The following DCC variants were observed in gnomAD, a reference collection of about 807,000 sequenced individuals.
DCC encodes the protein DCC netrin 1 receptor.
DCC carries 58 observed loss-of-function variants against 172.5 expected under a neutral mutation model. The observed-to-expected ratio is 0.34, with a 90% CI of 0.27 to 0.42. The LOEUF is 0.42. Ranked by LOEUF, DCC falls within the 10% of genes least tolerant of loss-of-function variation. DCC has a pLI of 1.00. For missense variants in DCC, 1,740 were observed against 1,791.0 expected (o/e 0.97, Z 0.51); for synonymous variants, 709 against 644.5 (o/e 1.10, Z -1.52).
intron 1 of DCC, among the ~76,000 whole-genome samples, chr18:52,399,333 C>T (rs1458309554): frequency 6.6e-6 from 1 of 151,912 alleles, no homozygotes; most frequent in African/African-American, 2.4e-5. Context: ...ATTGTCTGGT[C>T]AAGGCACTGT....
At chr18:52,662,225 G>T (rs2035372884) in intron 1 of DCC, among the ~76,000 whole-genome samples, 2 of 152,164 alleles carry the variant, frequency 1.3e-5, no homozygotes, top group South Asian at 4.1e-4. Context: ...TTACCGGATA[G>T]ATCCGATGCT....
At chr18:53,245,547 G>T (rs952174618) in intron 12 of DCC, among the ~76,000 whole-genome samples, 2 of 152,082 alleles carry the variant, frequency 1.3e-5, no homozygotes, top group Non-Finnish European at 2.9e-5. Flanking sequence ...ACATTTCCTT[G>T]AAGTAATGAG....
chr18:53,008,234 T>A (rs1228883603), intron 5 of DCC, among the ~76,000 whole-genome samples: 1 of 152,132 alleles, frequency 6.6e-6, no homozygotes, highest in African/African-American at 2.4e-5. Flanking sequence ...CACACTTTCA[T>A]GTTTATTGAT....
chr18:53,066,765 G>A (rs1036432145), intron 7 of DCC, among the ~76,000 whole-genome samples: 12 of 152,062 alleles, frequency 7.9e-5, no homozygotes, highest in Admixed American at 3.9e-4. Context: ...ATCTGAGACT[G>A]GGTAATTTAT....
chr18:52,491,134 C>T (rs2030478182), intron 1 of DCC, among the ~76,000 whole-genome samples: 1 of 152,024 alleles, frequency 6.6e-6, no homozygotes, highest in African/African-American at 2.4e-5. Context: ...TCTTATTTTA[C>T]TAAGTTTTTT....
At chr18:53,197,346 A>G (rs182824413) in intron 9 of DCC, among the ~76,000 whole-genome samples, 392 of 151,552 alleles carry the variant, frequency 2.6e-3, no homozygotes, top group Non-Finnish European at 4.9e-3. Context: ...AATTCAGGCT[A>G]TGTGAATTAT....
At position 52,993,091 on chromosome 18, in the gene DCC, T is replaced by TA. The variant is rs147258733; in HGVS notation, c.985+67721_985+67722insA. ...CAGTAATCAGTCTTTTTTTTCTAAA[T>TA]GATTGTTCTAGTTGCCATAAAGGTA... On this transcript the variant is annotated intron_variant, in intron 5 of 28. Coordinates refer to ENST00000442544, the MANE Select transcript of DCC (RefSeq NM_005215.4). Among the ~76,000 whole-genome samples, 652 of 152,168 alleles carry TA rather than the reference T, an allele frequency of 4.3e-3. 4 individuals are homozygous for TA. The highest frequency in any genetic ancestry group is 0.015 in the African/African-American group (607 of 41,518).
chr18:53,059,825 G>C (rs941582909), intron 5 of DCC, among the ~76,000 whole-genome samples: 2 of 151,998 alleles, frequency 1.3e-5, no homozygotes, highest in African/African-American at 4.8e-5. Flanking sequence ...GCATTTTGTT[G>C]CTTGAGTTTT....
chr18:52,848,891 C>G (rs552805222), intron 2 of DCC, among the ~76,000 whole-genome samples: 1 of 152,174 alleles, frequency 6.6e-6, no homozygotes, highest in East Asian at 1.9e-4. Flanking sequence ...CATTCAGCAA[C>G]TTCTTTATGA....
intron 27 of DCC, among the ~76,000 whole-genome samples, chr18:53,521,592 A>G (rs997100383): frequency 1.3e-5 from 2 of 152,148 alleles, no homozygotes; most frequent in African/African-American, 2.4e-5. Context: ...TACGTTTCTC[A>G]GAACAGGCAC....
At chr18:52,552,205 C>T (rs1399057668) in intron 1 of DCC, among the ~76,000 whole-genome samples, 1 of 151,974 alleles carries the variant, frequency 6.6e-6, no homozygotes, top group East Asian at 1.9e-4. Flanking sequence ...GTAGATTCTA[C>T]TTTTAACATT....
intron 15 of DCC, among the ~76,000 whole-genome samples, chr18:53,365,035 C>T (rs2057987873): frequency 6.6e-6 from 1 of 152,030 alleles, no homozygotes; most frequent in Non-Finnish European, 1.5e-5. Context: ...ATTAACTTGT[C>T]ATTTACATTA....
intron 5 of DCC, among the ~76,000 whole-genome samples, chr18:53,030,034 T>C (rs1406046515): frequency 6.6e-6 from 1 of 152,174 alleles, no homozygotes; most frequent in Non-Finnish European, 1.5e-5. Flanking sequence ...CTGGTTTAGA[T>C]AAATGTTAAG....
At chr18:52,400,568 A>G (rs959014367) in intron 1 of DCC, among the ~76,000 whole-genome samples, 2 of 152,068 alleles carry the variant, frequency 1.3e-5, no homozygotes, top group South Asian at 4.1e-4. Context: ...CAGAAATACC[A>G]TTTGACCCAG....
chr18:53,044,176 A>C (rs1311292196), intron 5 of DCC, among the ~76,000 whole-genome samples: 3 of 151,896 alleles, frequency 2.0e-5, no homozygotes, highest in Non-Finnish European at 4.4e-5. Flanking sequence ...CATCTTCAAA[A>C]CATGAAAGAA....
intron 1 of DCC, among the ~76,000 whole-genome samples, chr18:52,717,980 A>G (rs1048111624): frequency 3.9e-5 from 6 of 152,206 alleles, no homozygotes; most frequent in Non-Finnish European, 4.4e-5. Flanking sequence ...CCTGAAACCA[A>G]AACCTCAGCA....
chr18:52,625,376 T>A (rs1443768657), intron 1 of DCC, among the ~76,000 whole-genome samples: 2 of 152,186 alleles, frequency 1.3e-5, no homozygotes, highest in Non-Finnish European at 2.9e-5. Flanking sequence ...ATTCATTTAT[T>A]CACTCAACAA....
At chr18:52,515,781 T>C (rs969473728) in intron 1 of DCC, among the ~76,000 whole-genome samples, 7 of 150,498 alleles carry the variant, frequency 4.7e-5, no homozygotes, top group Non-Finnish European at 1.0e-4. Context: ...TGTTGCTTTG[T>C]AAAAGACCCT....
intron 4 of DCC, 141 bp downstream of exon 4, chr18:52,923,998 T>C (rs1366815624): frequency 1.5e-5 from 11 of 715,554 alleles, no homozygotes; most frequent in Non-Finnish European, 2.7e-5. Context: ...TTTCTTGGCA[T>C]GATACAGTTA....
Sources: allele counts gnomAD v4.1 joint callset (sites outside exome capture counted in the v4.1 genomes callset), GRCh38; gene constraint gnomAD v4.1.1; transcripts MANE v1.5; gene names NCBI Gene and HGNC (gene_info 2026-07-23, HGNC 2026-07-21).